Variants in POLR1A observed in about 807,000 individuals in gnomAD.
The protein encoded by POLR1A is DNA-directed RNA polymerase I subunit RPA1.
Under a neutral mutation model 205.3 loss-of-function variants are expected in POLR1A, and 84 were observed. The observed-to-expected ratio is 0.41, with a 90% CI of 0.34 to 0.49. The LOEUF is 0.49. Among genes scored for constraint, POLR1A ranks in the 20% least tolerant of loss-of-function variants. The pLI is 0.22. For missense variants in POLR1A, 1,645 were observed against 2,204.5 expected, an observed-to-expected ratio of 0.75 and a Z score of 5.08; for synonymous variants, 799 against 863.7, an observed-to-expected ratio of 0.93 and a Z score of 1.31.
rs1690219159 is a variant in POLR1A at position 86,024,373 on chromosome 2, G to T, written c.*3050C>A. The stretch of plus-strand genomic sequence containing the variant: ...GGGCTGGGGAGGTGGAAGGAATAGG[G>T]AGTTAGTGCTCAATGGATACAGACA... On this transcript the variant is annotated 3_prime_UTR_variant, in exon 34 of 34. Transcript: ENST00000263857. The T allele has an allele frequency of 6.5e-6, 1 of 154,812 alleles. No individual in the cohort carries two copies. Among genetic ancestry groups the T allele is most frequent in the Non-Finnish European group, 1.4e-5 (1 of 69,478 alleles). 9.6% of individuals were successfully genotyped at this position (154,812 alleles called of 1,614,324 possible). A position where few individuals can be genotyped will look rare whatever the true frequency, so the allele number is the denominator to read the frequency against.
rs1296957217 is a variant in POLR1A at position 86,035,313 on chromosome 2, G to A, written c.4035-1526C>T. 4.6e-5 allele frequency among the ~76,000 whole-genome samples: 7 copies of A among 152,318 alleles called. No homozygotes were observed. The South Asian group carries it at 6.2e-4, about 14-fold the overall frequency. On this transcript the variant is annotated intron_variant, in intron 27 of 33. Transcript: ENST00000263857. Reference sequence around the variant, plus strand: ...CAGGATAGCCAGATGAGAGAAGGCCGGGCTTGACTTTAGAAAGATACAATC... The same window carrying A: ...CAGGATAGCCAGATGAGAGAAGGCCAGGCTTGACTTTAGAAAGATACAATC...
At chr2:86,082,345 C>T (rs969572959) in intron 7 of POLR1A, among the ~76,000 whole-genome samples, 2 of 152,088 alleles carry the variant, frequency 1.3e-5, no homozygotes, top group Non-Finnish European at 2.9e-5. Flanking sequence ...TTACTTTGAT[C>T]TTCATAAAAA....
intron 19 of POLR1A, among the ~76,000 whole-genome samples, chr2:86,046,856 A>C (rs6755224): frequency 6.6e-6 from 1 of 152,126 alleles, no homozygotes; most frequent in Admixed American, 6.6e-5. Context: ...AGAAAGAAAC[A>C]ATCATGCAAA....
intron 16 of POLR1A, among the ~76,000 whole-genome samples, 185 bp from the exon 17 acceptor site, chr2:86,049,427 A>G (rs1327375974): frequency 1.3e-5 from 2 of 152,170 alleles, no homozygotes; most frequent in Non-Finnish European, 2.9e-5. Context: ...ACCAGAGCCC[A>G]AACCTTATAA....
chr2:86,069,973 G>GTCATGCTGACGATGACCAC, intron 13 of POLR1A, 45 bp downstream of exon 13: 1 of 1,587,554 alleles, frequency 6.3e-7, no homozygotes, highest in Non-Finnish European at 8.6e-7. Context: ...AAAGTGCTAA[G>GTCATGCTGACGATGACCAC]TCATGCTGAC....
chr2:86,078,669 C>A (rs568517712), intron 9 of POLR1A, among the ~76,000 whole-genome samples: 1 of 152,324 alleles, frequency 6.6e-6, no homozygotes, highest in Admixed American at 6.5e-5. Flanking sequence ...CCAATTCTCA[C>A]ATGCAGTTTC....
chr2:86,035,218 G>C (rs932194056), intron 27 of POLR1A, among the ~76,000 whole-genome samples: 4 of 152,064 alleles, frequency 2.6e-5, no homozygotes, highest in African/African-American at 9.7e-5. Flanking sequence ...GTTTGCCCTT[G>C]GCAGAAAAAA....
Position 86,088,553 on chromosome 2 carries a change from C to G in POLR1A, c.730+13G>C, listed in dbSNP as rs751882786. ...CCTCACATGGAGCTCCTCTCCAGAC[C>G]CAGCCTGCTCACCCAGGGGCTCAGA... On this transcript the variant is annotated intron_variant, in intron 6 of 33. Coordinates refer to ENST00000263857, the MANE Select transcript of POLR1A (RefSeq NM_015425.6). The G allele has an allele frequency of 6.3e-7, 1 of 1,585,600 alleles. No homozygotes were observed. The highest frequency in any genetic ancestry group is 8.7e-7 in the Non-Finnish European group (1 of 1,154,080).
rs1335413629 is a variant in POLR1A, at chr2:86,058,381, G to A, written c.2059-4092C>T. On this transcript the variant is annotated intron_variant, in intron 14 of 33. Transcript: ENST00000263857. ...CCCAAAGTGCTGGGATTACAGGTGT[G>A]AGCCACCTCACCCAGCCTTTTTTTT... 4.0e-5 allele frequency among the ~76,000 whole-genome samples: 6 copies of A among 148,398 alleles called. No individual in the cohort carries two copies. The East Asian group carries it at 9.9e-4, about 24-fold the overall frequency.
chr2:86,049,697 C>T (rs1414260806), intron 16 of POLR1A, among the ~76,000 whole-genome samples: 4 of 152,264 alleles, frequency 2.6e-5, no homozygotes, highest in East Asian at 3.9e-4. Flanking sequence ...ACAGGGGCCA[C>T]CCTATATAGC....
chr2:86,040,145 C>T lies in POLR1A; in HGVS notation c.3740+247G>A, dbSNP rs1385371931. The T allele has an allele frequency of 2.7e-5, 10 of 376,826 alleles. No homozygotes were observed. The East Asian group carries it at 4.0e-4, about 15-fold the overall frequency. 23.3% of individuals were successfully genotyped at this position (376,826 alleles called of 1,614,324 possible). The stretch of plus-strand genomic sequence containing the variant: ...CAGCAGTGTGCAGTCTCACAGGCAT[C>T]CCCAGGAACGTGGATGCAGGAGTTG... On this transcript the variant is annotated intron_variant, in intron 25 of 33. Transcript: ENST00000263857.
At position 86,065,432 on chromosome 2, in the gene POLR1A, G is replaced by A. The variant is rs1443185931; in HGVS notation, c.1900C>T (p.His634Tyr). 9 of 1,613,850 alleles carry A rather than the reference G, an allele frequency of 5.6e-6. No individual in the cohort carries two copies. Among genetic ancestry groups the A allele is most frequent in the Non-Finnish European group, 7.6e-6 (9 of 1,179,942 alleles). Residue 634 changes from histidine to tyrosine, a missense_variant, in exon 14 of 34, where the codon CAC becomes TAC. This residue lies in a region of POLR1A where 24 missense variants were observed against 52.1 expected (regional missense o/e 0.46). Transcript: ENST00000263857. ...GQPLAGLIQD[H>Y]MVSGASMTTR... ...GTCATGCTTGCCCCTGAAACCATGTGATCCTGGATCAGTCCCGCCAATGGT... is the reference window on the plus strand; with the variant it reads ...GTCATGCTTGCCCCTGAAACCATGTAATCCTGGATCAGTCCCGCCAATGGT...
In POLR1A at chr2:86,021,989, T is replaced by G. The variant is rs1260550627; in HGVS notation, c.*5434A>C. 2.6e-5 allele frequency: 4 copies of G among 152,360 alleles called. No homozygotes were observed. In the East Asian group the frequency reaches 7.7e-4, roughly 29 times the overall value. 9.4% of individuals were successfully genotyped at this position (152,360 alleles called of 1,614,324 possible). A position where few individuals can be genotyped will look rare whatever the true frequency, so the allele number is the denominator to read the frequency against. On this transcript the variant is annotated 3_prime_UTR_variant, in exon 34 of 34. Coordinates refer to ENST00000263857, the MANE Select transcript of POLR1A (RefSeq NM_015425.6). ...GGTACCCTGCCGGGTAACTCAGAGT[T>G]GAGTTAAACCCTGCTCCTTGATGAC...
At chr2:86,092,026 G>A (rs1317372277) in intron 3 of POLR1A, among the ~76,000 whole-genome samples, 1 of 152,180 alleles carries the variant, frequency 6.6e-6, no homozygotes, top group Non-Finnish European at 1.5e-5. Context: ...CGAGGCAGGA[G>A]AATCGCTTTA....
At chr2:86,030,127 G>T in intron 31 of POLR1A, 69 bp downstream of exon 31, 2 of 1,317,258 alleles carry the variant, frequency 1.5e-6, no homozygotes, top group Non-Finnish European at 2.2e-6. Flanking sequence ...CCTCCCAGTG[G>T]CTGGGTCTTG....
At position 86,039,322 on chromosome 2, in the gene POLR1A, G is replaced by A. The variant is rs760524516; in HGVS notation, c.3876+5C>T. The A allele has an allele frequency of 5.0e-6, 8 of 1,613,474 alleles. No individual in the cohort carries two copies. Among genetic ancestry groups the A allele is most frequent in the South Asian group, 3.3e-5 (3 of 91,070 alleles). On this transcript the variant is annotated splice_donor_5th_base_variant and intron_variant, in intron 26 of 33. Coordinates refer to ENST00000263857, the MANE Select transcript of POLR1A (RefSeq NM_015425.6). ...CGTCTGCAACCTGGGAAGGAGAGACGTTACCTCCCCCAAGCACACCCTGGT... is the reference window on the plus strand; with the variant it reads ...CGTCTGCAACCTGGGAAGGAGAGACATTACCTCCCCCAAGCACACCCTGGT...
In POLR1A at chr2:86,030,392, G is replaced by C. The variant is rs201458296; in HGVS notation, c.4583C>G (p.Thr1528Arg). ...DTEESLWCQVTVKLPLMKINF... is the reference protein window; with the variant it reads ...DTEESLWCQVRVKLPLMKINF... ...GATCTTCATCAGAGGGAGCTTCACT[G>C]TCACCTGCAAAAGGAGGGAGAGCTG... is the stretch of plus-strand genomic sequence containing the variant. The change falls in exon 31 of 34, where the codon ACA (threonine) becomes AGA (arginine). Residue 1528 changes from threonine (T) to arginine (R), a missense_variant. Thr to Arg is a moderately conservative substitution (Grantham distance 71). Transcript: ENST00000263857. 17 of 1,612,280 alleles carry C rather than the reference G, an allele frequency of 1.1e-5. No homozygotes were observed. The highest frequency in any genetic ancestry group is 1.4e-5 in the Non-Finnish European group (16 of 1,178,618).
intron 12 of POLR1A, among the ~76,000 whole-genome samples, chr2:86,074,340 C>T (rs940137576): frequency 1.3e-5 from 2 of 152,274 alleles, no homozygotes; most frequent in East Asian, 1.9e-4. Flanking sequence ...CTATTGACTC[C>T]GGTAGTCACT....
intron 20 of POLR1A, 88 bp downstream of exon 20, chr2:86,045,529 T>C: frequency 6.9e-7 from 1 of 1,439,732 alleles, no homozygotes; most frequent in Admixed American, 1.8e-5. Context: ...CAGTGTCTTC[T>C]GCCCTACCCT....
Sources: allele counts gnomAD v4.1 joint callset (sites outside exome capture counted in the v4.1 genomes callset), GRCh38; gene constraint gnomAD v4.1.1; regional missense constraint gnomAD v4.1.1; transcripts MANE v1.5; gene names NCBI Gene and HGNC (gene_info 2026-07-23, HGNC 2026-07-21).